The following CFAP47 variants were observed in gnomAD, a reference collection of about 807,000 sequenced individuals.
CFAP47 encodes cilia- and flagella-associated protein 47.
Under a neutral mutation model 148.1 loss-of-function variants are expected in CFAP47, and 29 were observed. The observed-to-expected ratio is 0.20, with a 90% CI of 0.15 to 0.27. The LOEUF is 0.27. Among genes scored for constraint, CFAP47 ranks in the 10% least tolerant of loss-of-function variants. The probability of loss-of-function intolerance (pLI) is 1.00; values close to 1 mark genes in which losing one functional copy is unlikely to be tolerated. For synonymous variants in CFAP47, 664 were observed against 577.3 expected, an observed-to-expected ratio of 1.15 and a Z score of -2.15; for missense variants, 1,872 against 1,697.5, an observed-to-expected ratio of 1.10 and a Z score of -1.81.
intron 33 of CFAP47, among the ~76,000 whole-genome samples, chrX:36,137,286 G>A (rs950470339): frequency 1.8e-5 from 2 of 111,131 alleles, no homozygotes; most frequent in Non-Finnish European, 3.8e-5. Context: ...AGAAAATGTC[G>A]CATTCAACAT....
chrX:35,942,760 T>A (rs112423404), intron 3 of CFAP47, among the ~76,000 whole-genome samples: 2,064 of 111,742 alleles, frequency 0.018, 51 homozygotes, highest in African/African-American at 0.062. Flanking sequence ...AGGAATATGG[T>A]TTTACTTTTC....
chrX:36,374,143 G>T lies in CFAP47; in HGVS notation c.9186-5207G>T, dbSNP rs188792235. On this transcript the variant is annotated intron_variant, in intron 62 of 63. Transcript: ENST00000378653. ...GTATTAAATCTTCTTTGAATATTTAGTAGAATTTAGCCATGAAGCTATCTG... is the reference window on the plus strand; with the variant it reads ...GTATTAAATCTTCTTTGAATATTTATTAGAATTTAGCCATGAAGCTATCTG... 7.3e-4 allele frequency among the ~76,000 whole-genome samples: 81 copies of T among 110,911 alleles called. 2 individuals carry two copies. The Admixed American group carries it at 7.8e-3, about 11-fold the overall frequency.
At chrX:36,253,322 A>C (rs1294667652) in intron 49 of CFAP47, among the ~76,000 whole-genome samples, 1 of 111,586 alleles carries the variant, frequency 9.0e-6, no homozygotes, top group Admixed American at 9.6e-5. Context: ...GAGTTAAATT[A>C]GTTGTCCCAT....
At position 36,306,303 on chromosome X, in the gene CFAP47, AG is replaced by A. The variant is rs1486733334; in HGVS notation, c.8083-467del. On this transcript the variant is annotated intron_variant, in intron 54 of 63. Transcript: ENST00000378653. ...GCAGGTCACACCTTGAATGTGTAGG[AG>A]GAAGAGGAAAATTTCCTTGCACATT... Among the ~76,000 whole-genome samples, 25 of 111,651 alleles carry A rather than the reference AG, an allele frequency of 2.2e-4. No homozygotes were observed. In the Admixed American group the frequency reaches 2.4e-3, roughly 11 times the overall value.
intron 22 of CFAP47, among the ~76,000 whole-genome samples, chrX:36,017,047 T>C (rs1937104784): frequency 9.0e-6 from 1 of 111,327 alleles, no homozygotes; most frequent in Non-Finnish European, 1.9e-5. Flanking sequence ...TCTGAGGTCC[T>C]TACATATTCT....
chrX:36,304,393 A>AC (rs1569313329), intron 54 of CFAP47, among the ~76,000 whole-genome samples: 5 of 60,054 alleles, frequency 8.3e-5, no homozygotes, highest in African/African-American at 4.9e-4. Flanking sequence ...AAAAGTAATC[A>AC]AAAAAAAAAA....
intron 6 of CFAP47, among the ~76,000 whole-genome samples, chrX:35,952,471 A>G (rs1484007069): frequency 4.5e-5 from 5 of 112,223 alleles, no homozygotes; most frequent in African/African-American, 1.3e-4. Context: ...TCATAATTCC[A>G]TGAACTTTGT....
intron 29 of CFAP47, among the ~76,000 whole-genome samples, chrX:36,075,792 T>G (rs1937842818): frequency 9.0e-6 from 1 of 111,694 alleles, no homozygotes; most frequent in Non-Finnish European, 1.9e-5. Flanking sequence ...GTATTTGGTT[T>G]TTTTGTTCCT....
At chrX:36,163,453 C>T (rs750828680) in intron 39 of CFAP47, among the ~76,000 whole-genome samples, 1 of 109,801 alleles carries the variant, frequency 9.1e-6, no homozygotes, top group African/African-American at 3.3e-5. Flanking sequence ...GTTTAGATGT[C>T]TCTTTTTTTT....
At chrX:36,330,661 C>A (rs1282352953) in intron 57 of CFAP47, among the ~76,000 whole-genome samples, 4 of 111,845 alleles carry the variant, frequency 3.6e-5, no homozygotes, top group Non-Finnish European at 5.6e-5. Flanking sequence ...GAACAGTAAC[C>A]CAGTCTACTA....
At chrX:36,059,826 G>A (rs1339872194) in intron 26 of CFAP47, among the ~76,000 whole-genome samples, 2 of 111,640 alleles carry the variant, frequency 1.8e-5, no homozygotes, top group African/African-American at 6.5e-5. Flanking sequence ...GGCCTAATGC[G>A]AATTGTTTAG....
At position 36,190,159 on chromosome X, in the gene CFAP47, A is replaced by G; in HGVS notation, c.6284A>G (p.His2095Arg). Reference sequence around the variant, plus strand: ...CTCCGCTTTCTTCCCTTTAACATGCACGTGCGCTACTGTGTCATCATCTTG... The same window carrying G: ...CTCCGCTTTCTTCCCTTTAACATGCGCGTGCGCTACTGTGTCATCATCTTG... ...LELRFLPFNMHVRYCVIILSN... is the reference protein window; with the variant it reads ...LELRFLPFNMRVRYCVIILSN... Residue 2095 changes from histidine (H) to arginine (R), a missense_variant, in exon 42 of 64, where the codon CAC becomes CGC. Coordinates refer to ENST00000378653, the MANE Select transcript of CFAP47 (RefSeq NM_001304548.2). 3.4e-6 allele frequency: 1 copy of G among 297,996 alleles called. No individual in the cohort carries two copies. The highest frequency in any genetic ancestry group is 5.9e-6 in the Non-Finnish European group (1 of 170,212). 24.6% of individuals were successfully genotyped at this position (297,996 alleles called of 1,213,427 possible). A position where few individuals can be genotyped will look rare whatever the true frequency, so the allele number is the denominator to read the frequency against.
intron 37 of CFAP47, among the ~76,000 whole-genome samples, chrX:36,158,887 G>A (rs1449721299): frequency 9.0e-6 from 1 of 111,444 alleles, no homozygotes; most frequent in Non-Finnish European, 1.9e-5. Flanking sequence ...CAAATCCATA[G>A]CCTCTTCACC....
intron 61 of CFAP47, among the ~76,000 whole-genome samples, chrX:36,363,862 A>T (rs1556019689): frequency 8.9e-6 from 1 of 111,745 alleles, no homozygotes; most frequent in African/African-American, 3.2e-5. Flanking sequence ...TCTTTTTCCA[A>T]TAAAAATCAA....
chrX:36,252,916 A>G (rs373624321), intron 49 of CFAP47, among the ~76,000 whole-genome samples: 3 of 112,033 alleles, frequency 2.7e-5, no homozygotes, highest in African/African-American at 9.7e-5. Context: ...ACTGTGAAAC[A>G]TTGTTGAATT....
chrX:36,219,022 T>G (rs1168111098), intron 45 of CFAP47, among the ~76,000 whole-genome samples: 1 of 111,368 alleles, frequency 9.0e-6, no homozygotes, highest in Non-Finnish European at 1.9e-5. Context: ...ATAGCAAGCA[T>G]CAGAGACAAT....
intron 46 of CFAP47, among the ~76,000 whole-genome samples, chrX:36,233,155 A>C (rs1203652923): frequency 9.0e-6 from 1 of 111,346 alleles, no homozygotes; most frequent in Non-Finnish European, 1.9e-5. Context: ...GCTGAGTTCA[A>C]GTCCTGGATA....
chrX:36,220,490 C>T (rs1475728226), intron 45 of CFAP47, among the ~76,000 whole-genome samples: 1 of 109,434 alleles, frequency 9.1e-6, no homozygotes, highest in Non-Finnish European at 1.9e-5. Flanking sequence ...ACTGCCAGGG[C>T]GTGAAAAACC....
At chrX:36,345,395 A>AG (rs1941688979) in intron 57 of CFAP47, among the ~76,000 whole-genome samples, 1 of 110,870 alleles carries the variant, frequency 9.0e-6, no homozygotes, top group Non-Finnish European at 1.9e-5. Flanking sequence ...AGATTCTCAT[A>AG]AGCAGCCTGC....
Sources: allele counts gnomAD v4.1 joint callset (sites outside exome capture counted in the v4.1 genomes callset), GRCh38; gene constraint gnomAD v4.1.1; transcripts MANE v1.5; gene names NCBI Gene and HGNC (gene_info 2026-07-23, HGNC 2026-07-21).